Variants in PDGFRB observed in about 807,000 individuals in gnomAD.
PDGFRB encodes platelet derived growth factor receptor beta.
Under a neutral mutation model 120.2 loss-of-function variants are expected in PDGFRB, and 42 were observed. The observed-to-expected ratio is 0.35, with a 90% CI of 0.27 to 0.45. The LOEUF is 0.45. Ranked by LOEUF, PDGFRB falls within the 20% of genes least tolerant of loss-of-function variation. PDGFRB has a pLI of 1.00. For missense variants in PDGFRB, 1,149 were observed against 1,476.3 expected (o/e 0.78, Z 3.63); for synonymous variants, 586 against 606.8 (o/e 0.97, Z 0.50).
At chr5:150,133,110 C>T (rs1381192209) in intron 6 of PDGFRB, among the ~76,000 whole-genome samples, 168 bp from the exon 7 acceptor site, 1 of 152,138 alleles carries the variant, frequency 6.6e-6, no homozygotes, top group Admixed American at 6.5e-5. Context: ...GAGAAGGGGC[C>T]GAATTTGGGG....
intron 1 of PDGFRB, among the ~76,000 whole-genome samples, chr5:150,154,708 G>A (rs1377889121): frequency 3.3e-5 from 5 of 152,138 alleles, no homozygotes; most frequent in Non-Finnish European, 7.4e-5. Flanking sequence ...GGGACCAAAG[G>A]AAATGGCCCA....
At chr5:150,117,500 G>A (rs573184458) in intron 22 of PDGFRB, 118 bp downstream of exon 22, 25 of 632,166 alleles carry the variant, frequency 4.0e-5, no homozygotes, top group South Asian at 3.1e-4. Flanking sequence ...CTTACCCTAC[G>A]TAACTTACCT....
At position 150,121,334 on chromosome 5, in the gene PDGFRB, G is replaced by A. The variant is rs1048528325; in HGVS notation, c.2345-12C>T. On this transcript the variant is annotated splice_polypyrimidine_tract_variant and intron_variant, in intron 16 of 22. Coordinates refer to ENST00000261799, the MANE Select transcript of PDGFRB (RefSeq NM_002609.4). This position sits in a 1 kb window ranked among gnomAD's most constrained non-coding sequence, Gnocchi z 4.1. ...GGTCCTCTCAGGGGCTAGAGGAGAA[G>A]CAGAGGGTCACCTGCTATCTTATAT... 1.7e-6 allele frequency: 2 copies of A among 1,199,114 alleles called. No homozygotes were observed. The highest frequency in any genetic ancestry group is 2.5e-6 in the Non-Finnish European group (2 of 800,642). 74.3% of individuals were successfully genotyped at this position (1,199,114 alleles called of 1,614,324 possible).
In PDGFRB at chr5:150,127,031, G is replaced by A. The variant is rs370743411; in HGVS notation, c.1580-417C>T. ...ACCCTTGCTGGGGCTGCCACAGCTCGGTCAGACTCCAAGCTCCATGCCTGA... is the reference window on the plus strand; with the variant it reads ...ACCCTTGCTGGGGCTGCCACAGCTCAGTCAGACTCCAAGCTCCATGCCTGA... On this transcript the variant is annotated intron_variant, in intron 10 of 22. Coordinates refer to ENST00000261799, the MANE Select transcript of PDGFRB (RefSeq NM_002609.4). 9.2e-5 allele frequency among the ~76,000 whole-genome samples: 14 copies of A among 152,318 alleles called. No homozygotes were observed. In the East Asian group the frequency reaches 1.9e-3, roughly 21 times the overall value.
intron 10 of PDGFRB, 44 bp from the exon 11 acceptor site, chr5:150,126,658 T>C (rs777553717): frequency 1.0e-6 from 1 of 998,096 alleles, no homozygotes; most frequent in East Asian, 2.4e-5. Flanking sequence ...ACTGGGCAGC[T>C]ACCCTCCCCT....
At chr5:150,154,418 T>C (rs528187190) in intron 1 of PDGFRB, among the ~76,000 whole-genome samples, 5 of 152,272 alleles carry the variant, frequency 3.3e-5, no homozygotes, top group African/African-American at 9.6e-5. Flanking sequence ...CTCAAGTTCC[T>C]CATGTATAAA....
intron 1 of PDGFRB, 77 bp downstream of exon 1, chr5:150,155,320 T>TTTC (rs56154406): frequency 3.7e-6 from 1 of 267,880 alleles, no homozygotes; most frequent in Non-Finnish European, 7.0e-6. Flanking sequence ...TTTTTTTTTT[T>TTTC]ACCTACTCGA....
At chr5:150,145,680 A>G (rs1338235243) in intron 1 of PDGFRB, among the ~76,000 whole-genome samples, 1 of 152,196 alleles carries the variant, frequency 6.6e-6, no homozygotes, top group Non-Finnish European at 1.5e-5. Context: ...AGGCAAAGAT[A>G]AGGAGCCCCG....
chr5:150,148,680 C>A (rs181686325), intron 1 of PDGFRB, among the ~76,000 whole-genome samples: 1 of 152,352 alleles, frequency 6.6e-6, no homozygotes, highest in East Asian at 1.9e-4. Flanking sequence ...CATGGGAGAC[C>A]TCCTTTTCCA....
In PDGFRB at chr5:150,122,008, C is replaced by G; in HGVS notation, c.2216G>C (p.Gly739Ala). 1 of 1,613,764 alleles carries G rather than the reference C, an allele frequency of 6.2e-7. No individual in the cohort carries two copies. The highest frequency in any genetic ancestry group is 8.5e-7 in the Non-Finnish European group (1 of 1,179,930). The part of the protein sequence containing the change: ...HVSLTGESDG[G>A]YMDMSKDESV... ...CTCGTCCTTGCTCATGTCCATGTAGCCACCGTCGCTCTCCCCGGTCAAGGA... is the reference window on the plus strand; with the variant it reads ...CTCGTCCTTGCTCATGTCCATGTAGGCACCGTCGCTCTCCCCGGTCAAGGA... The change falls in exon 16 of 23, where the codon GGC becomes GCC. Residue 739 changes from glycine (G) to alanine (A), a missense_variant. Gly to Ala is a moderately conservative substitution (Grantham distance 60). Coordinates refer to ENST00000261799, the MANE Select transcript of PDGFRB (RefSeq NM_002609.4).
chr5:150,140,248 G>A (rs1012293611), intron 1 of PDGFRB, among the ~76,000 whole-genome samples: 1 of 152,154 alleles, frequency 6.6e-6, no homozygotes, highest in Non-Finnish European at 1.5e-5. Context: ...ATCCCAGGGA[G>A]GCCCAGGCAG....
At chr5:150,118,901 C>G in intron 20 of PDGFRB, 49 bp from the exon 21 acceptor site, 1 of 1,148,286 alleles carries the variant, frequency 8.7e-7, no homozygotes. Flanking sequence ...GTTCAGGGGA[C>G]AAGGCAGGGC....
intron 21 of PDGFRB, 123 bp from the exon 22 acceptor site, chr5:150,117,973 A>C: frequency 1.6e-6 from 1 of 638,400 alleles, no homozygotes; most frequent in South Asian, 1.9e-5. Flanking sequence ...CAGAGGGGAA[A>C]GGGATTTGCC....
In PDGFRB at chr5:150,121,076, G is replaced by A. The variant is rs967350064; in HGVS notation, c.2464-66C>T. 5.1e-6 allele frequency: 8 copies of A among 1,570,872 alleles called. No homozygotes were observed. Among genetic ancestry groups the A allele is most frequent in the Middle Eastern group, 1.7e-4 (1 of 5,840 alleles). On this transcript the variant is annotated intron_variant, in intron 17 of 22. Coordinates refer to ENST00000261799, the MANE Select transcript of PDGFRB (RefSeq NM_002609.4). This position sits in a 1 kb window ranked among gnomAD's most constrained non-coding sequence, Gnocchi z 4.1. ...TGTGGGGAAAGACCCTTCATGTCAA[G>A]GGCTTTGGGAAAATACAACACTGCC...
intron 1 of PDGFRB, among the ~76,000 whole-genome samples, chr5:150,140,297 C>G (rs1286138500): frequency 6.6e-6 from 1 of 152,160 alleles, no homozygotes; most frequent in African/African-American, 2.4e-5. Flanking sequence ...GACAACTTCC[C>G]CTCTTTAGGA....
chr5:150,131,546 G>A (rs1285319747), intron 8 of PDGFRB, among the ~76,000 whole-genome samples: 1 of 152,194 alleles, frequency 6.6e-6, no homozygotes, highest in African/African-American at 2.4e-5. Flanking sequence ...TCTAACCTAT[G>A]TAATTTGCTG....
rs189563359 is a variant in PDGFRB, at chr5:150,152,957, C to T, written c.-7+2440G>A. On this transcript the variant is annotated intron_variant, in intron 1 of 22. Transcript: ENST00000261799. The stretch of plus-strand genomic sequence containing the variant: ...GGCCCAGAGAGGCAAGGTGCTGCCC[C>T]GGGGTCACACAGTCAGCCAGAAACT... 8.5e-5 allele frequency among the ~76,000 whole-genome samples: 13 copies of T among 152,318 alleles called. No individual in the cohort carries two copies. The East Asian group carries it at 9.6e-4, about 11-fold the overall frequency.
chr5:150,115,960 G>A lies in PDGFRB; in HGVS notation c.3138-14C>T. The A allele has an allele frequency of 6.4e-7, 1 of 1,552,816 alleles. No individual in the cohort carries two copies. ...TTCAGGGTGGAGCTAGAGGAAAGAG[G>A]CAGTGAGTGAGGGGCTAGGAAGGAG... On this transcript the variant is annotated splice_polypyrimidine_tract_variant and intron_variant, in intron 22 of 22. Transcript: ENST00000261799.
At chr5:150,116,483 C>A (rs889715862) in intron 22 of PDGFRB, among the ~76,000 whole-genome samples, 1 of 151,976 alleles carries the variant, frequency 6.6e-6, no homozygotes. Flanking sequence ...GTGCTGCATG[C>A]CTGTAATTCC....
Sources: allele counts gnomAD v4.1 joint callset (sites outside exome capture counted in the v4.1 genomes callset), GRCh38; gene constraint gnomAD v4.1.1; non-coding constraint Gnocchi (gnomAD v3.1); transcripts MANE v1.5; gene names NCBI Gene and HGNC (gene_info 2026-07-23, HGNC 2026-07-21).